The following RFWD3 variants were observed in gnomAD, a reference collection of about 807,000 sequenced individuals.
RFWD3 encodes ring finger and WD repeat domain 3.
In RFWD3, 65 loss-of-function variants were observed where a neutral mutation model predicts 87.7. The observed-to-expected ratio is 0.74, with a 90% CI of 0.61 to 0.91. The LOEUF (loss-of-function observed/expected upper bound fraction) is 0.91. RFWD3 is among the 40% of genes least tolerant of loss of function. RFWD3 has a pLI of 0.00. For synonymous variants in RFWD3, 433 were observed against 352.8 expected (o/e 1.23, Z -2.55); for missense variants, 1,078 against 938.5 (o/e 1.15, Z -1.94).
chr16:74,631,367 G>C (rs949677038), intron 9 of RFWD3, among the ~76,000 whole-genome samples: 5 of 152,086 alleles, frequency 3.3e-5, no homozygotes, highest in Non-Finnish European at 5.9e-5. Context: ...AGCTACTCGG[G>C]AGGCTGAGGC....
At chr16:74,628,731 C>T (rs1322503743) in intron 10 of RFWD3, 65 bp from the exon 11 acceptor site, 6 of 1,434,186 alleles carry the variant, frequency 4.2e-6, no homozygotes, top group African/African-American at 1.4e-5. Context: ...GACCCCACTA[C>T]CAGACCTCAA....
chr16:74,624,159 C>T, intron 12 of RFWD3, 88 bp from the exon 13 acceptor site: 1 of 1,466,308 alleles, frequency 6.8e-7, no homozygotes, highest in South Asian at 1.3e-5. Flanking sequence ...GTCTGAAAGG[C>T]TGCAGAGAGA....
At chr16:74,652,274 G>C (rs946638896) in intron 2 of RFWD3, 152 bp from the exon 3 acceptor site, 22 of 653,518 alleles carry the variant, frequency 3.4e-5, no homozygotes, top group East Asian at 1.9e-4. Flanking sequence ...AGCAGATAAG[G>C]GGGGGAGACT....
chr16:74,633,304 A>G (rs1019932791), intron 8 of RFWD3, among the ~76,000 whole-genome samples: 1 of 151,472 alleles, frequency 6.6e-6, no homozygotes, highest in Non-Finnish European at 1.5e-5. Context: ...GAAAAGAAAA[A>G]AAAGTACAAC....
chr16:74,662,447 T>C (rs985733300), intron 1 of RFWD3, among the ~76,000 whole-genome samples: 1 of 152,152 alleles, frequency 6.6e-6, no homozygotes, highest in Non-Finnish European at 1.5e-5. Context: ...GTATCAGAGT[T>C]TAGATTCTAG....
At chr16:74,660,764 T>A (rs1961362509) in intron 2 of RFWD3, 168 bp downstream of exon 2, 2 of 678,198 alleles carry the variant, frequency 2.9e-6, no homozygotes, top group Non-Finnish European at 5.0e-6. Context: ...TATCCCTTCA[T>A]TACTTTGTGA....
chr16:74,631,054 T>G, intron 9 of RFWD3, 97 bp from the exon 10 acceptor site: 2 of 1,148,528 alleles, frequency 1.7e-6, no homozygotes, highest in South Asian at 3.2e-5. Flanking sequence ...TAATCCTTAC[T>G]GAGAACACAC....
At chr16:74,663,841 C>G (rs1243876471) in intron 1 of RFWD3, among the ~76,000 whole-genome samples, 2 of 152,158 alleles carry the variant, frequency 1.3e-5, no homozygotes, top group African/African-American at 2.4e-5. Flanking sequence ...CTGATTCCCA[C>G]TAAAGGGACT....
chr16:74,633,193 C>G (rs1263578661), intron 8 of RFWD3, among the ~76,000 whole-genome samples: 6 of 150,580 alleles, frequency 4.0e-5, no homozygotes, highest in African/African-American at 1.5e-4. Context: ...AGGAGAATCG[C>G]TTGAACCCAG....
intron 6 of RFWD3, among the ~76,000 whole-genome samples, chr16:74,639,327 T>C (rs974728583): frequency 6.6e-6 from 1 of 152,190 alleles, no homozygotes; most frequent in African/African-American, 2.4e-5. Context: ...TGTGAGCTAC[T>C]ACACCCAGTG....
chr16:74,650,767 C>T (rs1257949082), intron 3 of RFWD3, among the ~76,000 whole-genome samples: 1 of 152,022 alleles, frequency 6.6e-6, no homozygotes, highest in Admixed American at 6.6e-5. Context: ...GTCCTAGCTA[C>T]TCAGGTGGCT....
At chr16:74,639,607 C>A (rs1014034791) in intron 6 of RFWD3, among the ~76,000 whole-genome samples, 10 of 152,090 alleles carry the variant, frequency 6.6e-5, no homozygotes, top group African/African-American at 2.4e-4. Flanking sequence ...TCTCAAGTTA[C>A]CCTATAATAA....
chr16:74,659,600 A>AC (rs561851715), intron 2 of RFWD3, among the ~76,000 whole-genome samples: 64 of 98,764 alleles, frequency 6.5e-4, no homozygotes, highest in African/African-American at 3.5e-3. Flanking sequence ...TGTCTTAAAA[A>AC]CAAAAAAAAA....
At position 74,621,987 on chromosome 16, in the gene RFWD3, C is replaced by T. The variant is rs1250476379; in HGVS notation, c.*1941G>A. ...TTCCAAAACATCCAAATTTAATGTA[C>T]TAATGCAAGGACTGGTAAGACTTAA... is the stretch of plus-strand genomic sequence containing the variant. On this transcript the variant is annotated 3_prime_UTR_variant, in exon 13 of 13. Transcript: ENST00000361070. 1.3e-5 allele frequency: 2 copies of T among 152,162 alleles called. No homozygotes were observed. The highest frequency in any genetic ancestry group is 2.4e-5 in the African/African-American group (1 of 41,432). 9.4% of individuals were successfully genotyped at this position (152,162 alleles called of 1,614,324 possible).
At chr16:74,663,831 C>G (rs1420374263) in intron 1 of RFWD3, among the ~76,000 whole-genome samples, 1 of 152,130 alleles carries the variant, frequency 6.6e-6, no homozygotes, top group African/African-American at 2.4e-5. Context: ...GAGAAGCAAG[C>G]TGATTCCCAC....
At position 74,649,143 on chromosome 16, in the gene RFWD3, G is replaced by C; in HGVS notation, c.781C>G (p.Leu261Val). ...EVTCIDGGKTLPKQPSPQKSE... is the reference protein window; with the variant it reads ...EVTCIDGGKTVPKQPSPQKSE... ...GATGTTCATATTACCTGTTTGGGGAGGGTCTTGCCTCCATCGATACATGTA... is the reference window on the plus strand; with the variant it reads ...GATGTTCATATTACCTGTTTGGGGACGGTCTTGCCTCCATCGATACATGTA... Residue 261 changes from leucine (L) to valine (V), a missense_variant, in exon 4 of 13, where the codon CTC becomes GTC. Coordinates refer to ENST00000361070, the MANE Select transcript of RFWD3 (RefSeq NM_018124.4). 6.4e-7 allele frequency: 1 copy of C among 1,572,620 alleles called. No individual in the cohort carries two copies. Among genetic ancestry groups the C allele is most frequent in the Non-Finnish European group, 8.6e-7 (1 of 1,164,366 alleles).
At chr16:74,646,548 G>A (rs1711833879) in intron 4 of RFWD3, among the ~76,000 whole-genome samples, 1 of 152,160 alleles carries the variant, frequency 6.6e-6, no homozygotes, top group South Asian at 2.1e-4. Flanking sequence ...AGCACTTTGG[G>A]AGGCCAAGGC....
At chr16:74,663,339 A>T (rs1354325090) in intron 1 of RFWD3, among the ~76,000 whole-genome samples, 1 of 152,208 alleles carries the variant, frequency 6.6e-6, no homozygotes, top group African/African-American at 2.4e-5. Flanking sequence ...GTTAAGGAAG[A>T]TTATAAAGTA....
At chr16:74,663,430 G>A (rs1042356346) in intron 1 of RFWD3, among the ~76,000 whole-genome samples, 3 of 152,160 alleles carry the variant, frequency 2.0e-5, no homozygotes, top group Admixed American at 2.0e-4. Context: ...CTACTGGGGG[G>A]AAGAACGGCC....
Sources: allele counts gnomAD v4.1 joint callset (sites outside exome capture counted in the v4.1 genomes callset), GRCh38; gene constraint gnomAD v4.1.1; transcripts MANE v1.5; gene names NCBI Gene and HGNC (gene_info 2026-07-23, HGNC 2026-07-21).